The following ZNF423 variants were observed in gnomAD, a reference collection of about 807,000 sequenced individuals.
ZNF423 encodes zinc finger protein 423, also known as Ebf-associated zinc finger protein.
In ZNF423, 12 loss-of-function variants were observed where a neutral mutation model predicts 95.8. The ratio of observed to expected loss-of-function variants is 0.13; its 90% CI spans 0.08 to 0.20. The LOEUF (loss-of-function observed/expected upper bound fraction) is 0.20, where lower values mean the gene tolerates loss of function less well. Ranked by LOEUF, ZNF423 falls within the 10% of genes least tolerant of loss-of-function variation. ZNF423 has a pLI of 1.00. For missense variants in ZNF423, 1,316 were observed against 1,737.1 expected, an observed-to-expected ratio of 0.76 and a Z score of 4.31; for synonymous variants, 749 against 711.9, an observed-to-expected ratio of 1.05 and a Z score of -0.83.
chr16:49,564,345 C>G (rs1970115756), intron 5 of ZNF423, among the ~76,000 whole-genome samples: 1 of 152,092 alleles, frequency 6.6e-6, no homozygotes, highest in African/African-American at 2.4e-5. Flanking sequence ...TTCCAGATCT[C>G]TCTTTTGGCA....
At chr16:49,515,437 A>C (rs1968093874) in intron 7 of ZNF423, among the ~76,000 whole-genome samples, 1 of 152,214 alleles carries the variant, frequency 6.6e-6, no homozygotes, top group Non-Finnish European at 1.5e-5. Context: ...TAAACTTTGG[A>C]GGGTTTCTGT....
chr16:49,679,972 C>T (rs76079193), intron 3 of ZNF423, among the ~76,000 whole-genome samples: 7,339 of 152,300 alleles, frequency 0.048, 202 homozygotes, highest in East Asian at 0.072. Flanking sequence ...CTACCCACTT[C>T]GGGTCTCCTG....
chr16:49,666,337 T>C (rs2030543936), intron 3 of ZNF423, among the ~76,000 whole-genome samples: 1 of 152,184 alleles, frequency 6.6e-6, no homozygotes, highest in Admixed American at 6.5e-5. Context: ...CCCACCTGCC[T>C]TCGACAGAGG....
chr16:49,657,283 G>A (rs370377893), intron 3 of ZNF423, among the ~76,000 whole-genome samples: 19 of 152,236 alleles, frequency 1.2e-4, no homozygotes, highest in African/African-American at 4.6e-4. Flanking sequence ...CAAGTATCTG[G>A]AGGATGGAGA....
chr16:49,752,913 G>T (rs1447977091), intron 2 of ZNF423, among the ~76,000 whole-genome samples: 2 of 152,184 alleles, frequency 1.3e-5, no homozygotes, highest in Non-Finnish European at 2.9e-5. Context: ...GCAGTCAACC[G>T]CAGAGACAAA....
chr16:49,649,672 G>GAA (rs1973324507), intron 3 of ZNF423, among the ~76,000 whole-genome samples: 1 of 15,696 alleles, frequency 6.4e-5, no homozygotes, highest in South Asian at 6.6e-3. Context: ...CACACACAGG[G>GAA]AGAGAGAGAG....
intron 5 of ZNF423, among the ~76,000 whole-genome samples, chr16:49,622,110 C>G (rs1404629994): frequency 2.0e-5 from 3 of 152,194 alleles, no homozygotes; most frequent in African/African-American, 4.8e-5. Flanking sequence ...GACCATGATG[C>G]CTGGGAATGC....
chr16:49,602,649 G>T (rs1010593972), intron 5 of ZNF423, among the ~76,000 whole-genome samples: 1 of 152,174 alleles, frequency 6.6e-6, no homozygotes, highest in African/African-American at 2.4e-5. Context: ...GCACAGGCTG[G>T]GTGTGGACCA....
intron 7 of ZNF423, among the ~76,000 whole-genome samples, chr16:49,507,754 ATGTTGCAGAGGCAGCAAT>A (rs1282469749): frequency 2.4e-4 from 37 of 152,350 alleles, no homozygotes; most frequent in Non-Finnish European, 4.9e-4. Context: ...GGCCCCTAGA[ATGTTGCAGAGGCAGCAAT>A]GGTTGCAGAG....
At position 49,638,777 on chromosome 16, in the gene ZNF423, G is replaced by A. The variant is rs140519104; in HGVS notation, c.399C>T (p.Leu133=). ...PTQMIGDGCD[L]GLGEEEGGTG... is the part of the protein sequence containing the mutation. ...TGCCCCCTTCCTCCTCGCCGAGGCC[G>A]AGGTCACAACCATCTCCGATCATCT... The change falls in exon 4 of 8, where the codon CTC becomes CTT. Residue 133 remains leucine, a synonymous_variant. Transcript: ENST00000563137. The surrounding 1 kb of genome is among the most constrained non-coding windows in gnomAD (Gnocchi z 5.6). 10 of 1,613,992 alleles carry A rather than the reference G, an allele frequency of 6.2e-6. No homozygotes were observed. The highest frequency in any genetic ancestry group is 2.2e-5 in the East Asian group (1 of 44,890).
intron 5 of ZNF423, among the ~76,000 whole-genome samples, chr16:49,543,785 G>A (rs1178563282): frequency 2.6e-5 from 4 of 152,224 alleles, no homozygotes; most frequent in African/African-American, 9.6e-5. Context: ...GGCACAGAGC[G>A]CCAGCTCCAG....
chr16:49,796,632 G>A (rs1161927955), intron 1 of ZNF423, among the ~76,000 whole-genome samples: 1 of 152,218 alleles, frequency 6.6e-6, no homozygotes, highest in East Asian at 1.9e-4. Flanking sequence ...GGCAGACAGT[G>A]GCAGGAGGTG....
intron 7 of ZNF423, among the ~76,000 whole-genome samples, chr16:49,520,051 T>C (rs1436584788): frequency 6.6e-6 from 1 of 152,242 alleles, no homozygotes; most frequent in Non-Finnish European, 1.5e-5. Flanking sequence ...CCTCCCAGCA[T>C]GCTCTAGCCC....
intron 3 of ZNF423, among the ~76,000 whole-genome samples, chr16:49,725,799 C>T (rs975920583): frequency 3.3e-5 from 5 of 152,202 alleles, no homozygotes; most frequent in Non-Finnish European, 5.9e-5. Flanking sequence ...CACACATTTG[C>T]CCCCAGCACC....
At chr16:49,835,234 G>A (rs1337218701) in intron 1 of ZNF423, among the ~76,000 whole-genome samples, 4 of 152,132 alleles carry the variant, frequency 2.6e-5, no homozygotes, top group African/African-American at 9.7e-5. Flanking sequence ...ATCAGTGCTG[G>A]CCCCCTGGCT....
At chr16:49,761,482 AAGG>A (rs2033832199) in intron 2 of ZNF423, among the ~76,000 whole-genome samples, 1 of 152,230 alleles carries the variant, frequency 6.6e-6, no homozygotes, top group South Asian at 2.1e-4. Context: ...AGCTCCCAGT[AAGG>A]AGAACGACGC....
intron 7 of ZNF423, among the ~76,000 whole-genome samples, chr16:49,505,081 A>G (rs1405672152): frequency 6.6e-6 from 1 of 152,132 alleles, no homozygotes; most frequent in Non-Finnish European, 1.5e-5. Flanking sequence ...AGTGGGAGAA[A>G]ATTTTTTCTG....
chr16:49,591,082 G>A (rs554639735), intron 5 of ZNF423, among the ~76,000 whole-genome samples: 1 of 152,224 alleles, frequency 6.6e-6, no homozygotes, highest in South Asian at 2.1e-4. Flanking sequence ...GGGGGGAAAT[G>A]ATTACAAAAT....
chr16:49,739,377 G>A (rs2033363611), intron 2 of ZNF423, among the ~76,000 whole-genome samples: 1 of 152,154 alleles, frequency 6.6e-6, no homozygotes, highest in South Asian at 2.1e-4. Context: ...GGATGCAGGA[G>A]GACAAGGAAT....
Sources: allele counts gnomAD v4.1 joint callset (sites outside exome capture counted in the v4.1 genomes callset), GRCh38; gene constraint gnomAD v4.1.1; non-coding constraint Gnocchi (gnomAD v3.1); transcripts MANE v1.5; gene names NCBI Gene and HGNC (gene_info 2026-07-23, HGNC 2026-07-21).